KSR2: variants seen among roughly 807,000 people sequenced by gnomAD.
KSR2 encodes kinase suppressor of ras 2.
Under a neutral mutation model 107.8 loss-of-function variants are expected in KSR2, and 25 were observed. The ratio of observed to expected loss-of-function variants is 0.23; its 90% CI spans 0.17 to 0.32. The LOEUF (loss-of-function observed/expected upper bound fraction) is 0.32. Ranked by LOEUF, KSR2 falls within the 10% of genes least tolerant of loss-of-function variation. KSR2 has a pLI of 1.00. For missense variants in KSR2, 887 were observed against 1,268.9 expected, an observed-to-expected ratio of 0.70 and a Z score of 4.57; for synonymous variants, 480 against 507.0, an observed-to-expected ratio of 0.95 and a Z score of 0.71.
At chr12:117,560,541 C>T (rs1232381418) in intron 7 of KSR2, among the ~76,000 whole-genome samples, 10 of 152,202 alleles carry the variant, frequency 6.6e-5, no homozygotes, top group Non-Finnish European at 4.4e-5. Context: ...CGTGCTATCT[C>T]CAGTCCCAGT....
chr12:117,886,360 CATA>C (rs1221176217), intron 1 of KSR2, among the ~76,000 whole-genome samples: 1 of 151,798 alleles, frequency 6.6e-6, no homozygotes, highest in Non-Finnish European at 1.5e-5. Context: ...TCATGCACCC[CATA>C]ATGATGTTTC....
intron 7 of KSR2, among the ~76,000 whole-genome samples, chr12:117,570,203 T>C (rs1427004347): frequency 2.6e-5 from 4 of 152,090 alleles, no homozygotes; most frequent in Non-Finnish European, 5.9e-5. Flanking sequence ...GGGGTTTCAC[T>C]GTGTTAGCCA....
At chr12:117,841,783 C>A (rs373949250) in intron 3 of KSR2, among the ~76,000 whole-genome samples, 2 of 152,186 alleles carry the variant, frequency 1.3e-5, no homozygotes, top group South Asian at 2.1e-4. Flanking sequence ...CCACCACCCC[C>A]CTCCCAGGCA....
chr12:117,949,462 A>G (rs1896295589), intron 1 of KSR2, among the ~76,000 whole-genome samples: 1 of 152,226 alleles, frequency 6.6e-6, no homozygotes, highest in Non-Finnish European at 1.5e-5. Flanking sequence ...ACTTCTCAAA[A>G]AGACAAAGCT....
At chr12:117,604,354 CT>C (rs1881115183) in intron 5 of KSR2, among the ~76,000 whole-genome samples, 1 of 152,164 alleles carries the variant, frequency 6.6e-6, no homozygotes, top group African/African-American at 2.4e-5. Context: ...TAAAACTCTC[CT>C]TTCCAAATCA....
intron 3 of KSR2, among the ~76,000 whole-genome samples, chr12:117,831,677 T>G (rs1891974930): frequency 1.3e-5 from 2 of 152,212 alleles, no homozygotes; most frequent in South Asian, 4.1e-4. Flanking sequence ...GACATTGGAC[T>G]TTGTATATTT....
chr12:117,792,166 A>T (rs1890273130), intron 3 of KSR2, among the ~76,000 whole-genome samples: 1 of 132,528 alleles, frequency 7.5e-6, no homozygotes, highest in African/African-American at 3.1e-5. Context: ...GGTGAGACAC[A>T]GTCTCTACAA....
At chr12:117,525,334 T>TCTACA in intron 13 of KSR2, 115 bp from the exon 14 acceptor site, 1 of 1,207,140 alleles carries the variant, frequency 8.3e-7, no homozygotes, top group Non-Finnish European at 1.1e-6. Flanking sequence ...CTACATGCAT[T>TCTACA]TGGAGCTTGT....
intron 4 of KSR2, among the ~76,000 whole-genome samples, chr12:117,743,140 A>G (rs1488027299): frequency 2.0e-5 from 3 of 152,230 alleles, no homozygotes; most frequent in African/African-American, 4.8e-5. Flanking sequence ...CAATTCGCCA[A>G]TCACCATCCA....
At chr12:117,500,428 A>T (rs1180533060) in intron 14 of KSR2, among the ~76,000 whole-genome samples, 2 of 152,202 alleles carry the variant, frequency 1.3e-5, no homozygotes, top group Non-Finnish European at 2.9e-5. Flanking sequence ...TCATATCCAT[A>T]GATTGTAATC....
intron 3 of KSR2, among the ~76,000 whole-genome samples, chr12:117,766,429 G>A (rs78262762): frequency 0.09 from 13,768 of 152,234 alleles, 806 homozygotes; most frequent in South Asian, 0.23. Context: ...ATAGGAATGG[G>A]TTTTTGAGGG....
In KSR2 at chr12:117,968,272, C is replaced by T. The variant is rs745923232; in HGVS notation, c.-17G>A. 30 of 1,556,216 alleles carry T rather than the reference C, an allele frequency of 1.9e-5. No homozygotes were observed. Among genetic ancestry groups the T allele is most frequent in the Middle Eastern group, 2.2e-4 (1 of 4,454 alleles). ...CTCATCCATCGCTTGCTCTGCAACC[C>T]CCTTCCCCTCCTCCTCCTCCCAGAG... On this transcript the variant is annotated 5_prime_UTR_variant, in exon 1 of 20. Transcript: ENST00000339824.
chr12:117,916,832 T>C (rs948406196), intron 1 of KSR2, among the ~76,000 whole-genome samples: 1 of 152,252 alleles, frequency 6.6e-6, no homozygotes, highest in African/African-American at 2.4e-5. Context: ...AATATCTTTT[T>C]CATCACTGAT....
chr12:117,597,202 A>G (rs1880698736), intron 5 of KSR2, among the ~76,000 whole-genome samples: 1 of 152,178 alleles, frequency 6.6e-6, no homozygotes, highest in East Asian at 1.9e-4. Context: ...GTGGCTAATG[A>G]CTTTAGTCAC....
At chr12:117,793,459 A>G (rs2051323476) in intron 3 of KSR2, among the ~76,000 whole-genome samples, 1 of 150,352 alleles carries the variant, frequency 6.7e-6, no homozygotes, top group African/African-American at 2.5e-5. Context: ...ACCAACATGC[A>G]CACATACACC....
intron 14 of KSR2, among the ~76,000 whole-genome samples, chr12:117,518,915 C>A (rs1289924222): frequency 1.3e-5 from 2 of 152,220 alleles, no homozygotes; most frequent in Non-Finnish European, 2.9e-5. Flanking sequence ...AAGTAGCCCT[C>A]CCATCACTCT....
At chr12:117,889,061 C>A (rs1894262615) in intron 1 of KSR2, among the ~76,000 whole-genome samples, 1 of 152,266 alleles carries the variant, frequency 6.6e-6, no homozygotes, top group South Asian at 2.1e-4. Flanking sequence ...GTATGGAAAC[C>A]AAAGTGCAAT....
chr12:117,930,119 C>T (rs1012809127), intron 1 of KSR2, among the ~76,000 whole-genome samples: 3 of 152,066 alleles, frequency 2.0e-5, no homozygotes, highest in South Asian at 2.1e-4. Flanking sequence ...CTGCAACCTC[C>T]GCCTCCCAGC....
intron 5 of KSR2, among the ~76,000 whole-genome samples, chr12:117,592,805 C>A (rs993971219): frequency 6.6e-6 from 1 of 152,042 alleles, no homozygotes; most frequent in African/African-American, 2.4e-5. Flanking sequence ...GATGGTAACA[C>A]TAGGTCGGGT....
Sources: allele counts gnomAD v4.1 joint callset (sites outside exome capture counted in the v4.1 genomes callset), GRCh38; gene constraint gnomAD v4.1.1; transcripts MANE v1.5; gene names NCBI Gene and HGNC (gene_info 2026-07-23, HGNC 2026-07-21).